Variants in ASTN1 observed in about 807,000 individuals in gnomAD.
ASTN1 encodes astrotactin-1.
In ASTN1, 41 loss-of-function variants were observed where a neutral mutation model predicts 140.7. The observed-to-expected ratio is 0.29, with a 90% CI of 0.23 to 0.38. The LOEUF (loss-of-function observed/expected upper bound fraction) is 0.38, where lower values mean the gene tolerates loss of function less well. ASTN1 is among the 10% of genes least tolerant of loss of function. The pLI is 1.00. For missense variants in ASTN1, 1,479 were observed against 1,678.8 expected, an observed-to-expected ratio of 0.88 and a Z score of 2.08; for synonymous variants, 640 against 652.2, an observed-to-expected ratio of 0.98 and a Z score of 0.29.
At chr1:177,033,659 T>C (rs2101979437) in intron 2 of ASTN1, among the ~76,000 whole-genome samples, 1 of 152,292 alleles carries the variant, frequency 6.6e-6, no homozygotes, top group East Asian at 1.9e-4. Flanking sequence ...CTGAGTGATG[T>C]TCCGTCTTCT....
chr1:177,009,033 T>C (rs1296021061), intron 8 of ASTN1, among the ~76,000 whole-genome samples: 1 of 152,184 alleles, frequency 6.6e-6, no homozygotes, highest in East Asian at 1.9e-4. Flanking sequence ...CAGCAGACTG[T>C]CTGACCCCAC....
At chr1:176,907,748 G>A (rs908144324) in intron 16 of ASTN1, among the ~76,000 whole-genome samples, 1 of 152,204 alleles carries the variant, frequency 6.6e-6, no homozygotes, top group African/African-American at 2.4e-5. Flanking sequence ...AGAACACAGG[G>A]AGGGGCAGAC....
intron 17 of ASTN1, among the ~76,000 whole-genome samples, chr1:176,892,983 C>A (rs1255691697): frequency 1.3e-5 from 2 of 152,210 alleles, no homozygotes; most frequent in East Asian, 1.9e-4. Context: ...CATTTCTCAA[C>A]CCATCTCTTA....
At chr1:176,899,408 G>A (rs1476157097) in intron 16 of ASTN1, among the ~76,000 whole-genome samples, 1 of 152,298 alleles carries the variant, frequency 6.6e-6, no homozygotes, top group African/African-American at 2.4e-5. Flanking sequence ...AGGTGAATTA[G>A]TTGTTAGGAA....
At chr1:176,930,840 A>ATTGAAAAGG (rs1671176791) in intron 16 of ASTN1, among the ~76,000 whole-genome samples, 1 of 152,184 alleles carries the variant, frequency 6.6e-6, no homozygotes. Context: ...GTGCTAATAC[A>ATTGAAAAGG]TTGAAAAGGT....
chr1:177,142,903 A>G (rs796089422), intron 1 of ASTN1, among the ~76,000 whole-genome samples: 1,593 of 135,524 alleles, frequency 0.012, 12 homozygotes, highest in South Asian at 0.031. Flanking sequence ...AAAAAAAAAA[A>G]GGGGGGGAGG....
chr1:176,859,073 T>A (rs1407206789), downstream of ASTN1, among the ~76,000 whole-genome samples: 2 of 152,230 alleles, frequency 1.3e-5, no homozygotes, highest in African/African-American at 4.8e-5. Flanking sequence ...AAGTATGGGG[T>A]ATGCACATTT....
At chr1:177,077,443 C>T (rs754891224) in intron 1 of ASTN1, among the ~76,000 whole-genome samples, 20 of 152,268 alleles carry the variant, frequency 1.3e-4, no homozygotes, top group Admixed American at 1.2e-3. Flanking sequence ...CTACTTCATA[C>T]TAGCTTGTCT....
intron 9 of ASTN1, 90 bp downstream of exon 9, chr1:176,965,073 T>C: frequency 1.6e-6 from 2 of 1,270,100 alleles, no homozygotes; most frequent in Non-Finnish European, 2.3e-6. Flanking sequence ...TTTCCTATTT[T>C]ATACTTTACC....
At chr1:176,993,881 C>T (rs1469585996) in intron 8 of ASTN1, among the ~76,000 whole-genome samples, 1 of 152,116 alleles carries the variant, frequency 6.6e-6, no homozygotes, top group Non-Finnish European at 1.5e-5. Flanking sequence ...CTCTTGTAGC[C>T]TACACTTTCT....
intron 7 of ASTN1, among the ~76,000 whole-genome samples, chr1:177,016,208 C>T (rs1571653314): frequency 6.6e-6 from 1 of 151,428 alleles, no homozygotes; most frequent in East Asian, 1.9e-4. Context: ...GATTGACCTA[C>T]AAGCGGCTGT....
At chr1:176,957,961 C>T (rs1672486959) in intron 10 of ASTN1, 133 bp from the exon 11 acceptor site, 2 of 1,181,632 alleles carry the variant, frequency 1.7e-6, no homozygotes, top group Non-Finnish European at 2.3e-6. Context: ...TGAAGATCAA[C>T]TATACTCCAA....
chr1:176,888,106 A>T lies in ASTN1; in HGVS notation c.3039T>A (p.Asp1013Glu). 1.9e-6 allele frequency: 3 copies of T among 1,614,146 alleles called. 1 individual carries two copies. In the South Asian group the frequency reaches 3.3e-5, roughly 18 times the overall value. Reference sequence around the variant, plus strand: ...GGAGAGGCGCACAGGTGGGGAGTCCATCAGCTCCAAAAGCAGTGGAGTCAC... The same window carrying T: ...GGAGAGGCGCACAGGTGGGGAGTCCTTCAGCTCCAAAAGCAGTGGAGTCAC... ...CRCDSTAFGA[D>E]GLPTCAPLPQ... Residue 1013 changes from aspartate (D) to glutamate (E), a missense_variant, in exon 18 of 23, where the codon GAT (aspartate) becomes GAA (glutamate). Asp to Glu is a conservative substitution (Grantham distance 45). Transcript: ENST00000361833.
At chr1:176,957,615 CT>C in intron 11 of ASTN1, 62 bp downstream of exon 11, 1 of 1,585,428 alleles carries the variant, frequency 6.3e-7, no homozygotes, top group Non-Finnish European at 8.6e-7. Flanking sequence ...TGTATTGTGT[CT>C]TCCCCCGTGC....
At chr1:177,086,400 A>T (rs1679471150) in intron 1 of ASTN1, among the ~76,000 whole-genome samples, 1 of 152,164 alleles carries the variant, frequency 6.6e-6, no homozygotes, top group Non-Finnish European at 1.5e-5. Context: ...AAACAAATAA[A>T]CCAAACAACA....
chr1:177,143,660 T>A (rs539331073), intron 1 of ASTN1, among the ~76,000 whole-genome samples: 1 of 152,340 alleles, frequency 6.6e-6, no homozygotes, highest in African/African-American at 2.4e-5. Flanking sequence ...TTATGTTTTT[T>A]AAATAAAATT....
chr1:176,998,861 C>T (rs561878714), intron 8 of ASTN1, among the ~76,000 whole-genome samples: 17 of 152,298 alleles, frequency 1.1e-4, no homozygotes, highest in Admixed American at 2.6e-4. Flanking sequence ...AATGCCTAGG[C>T]TTGAATCCCA....
chr1:176,981,225 AAAAAAAAAAAAAAAAAG>A (rs1266139186), intron 8 of ASTN1, among the ~76,000 whole-genome samples: 1 of 148,852 alleles, frequency 6.7e-6, no homozygotes, highest in Non-Finnish European at 1.5e-5. Flanking sequence ...AAAAAAAAAA[AAAAAAAAAAAAAAAAAG>A]GAAGCACAAA....
At chr1:176,991,047 T>A (rs1364222786) in intron 8 of ASTN1, among the ~76,000 whole-genome samples, 1 of 152,184 alleles carries the variant, frequency 6.6e-6, no homozygotes, top group Non-Finnish European at 1.5e-5. Context: ...GCCTCGCTGC[T>A]CTTCCCCAAA....
Sources: allele counts gnomAD v4.1 joint callset (sites outside exome capture counted in the v4.1 genomes callset), GRCh38; gene constraint gnomAD v4.1.1; transcripts MANE v1.5; gene names NCBI Gene and HGNC (gene_info 2026-07-23, HGNC 2026-07-21).